The following AKNA variants were observed in gnomAD, a reference collection of about 807,000 sequenced individuals.
AKNA encodes the protein microtubule organization protein AKNA.
A neutral mutation model predicts 138.8 loss-of-function variants in AKNA; 67 were observed. The observed-to-expected ratio is 0.48, with a 90% confidence interval of 0.40 to 0.59. AKNA has a LOEUF of 0.59. Ranked by LOEUF, AKNA falls within the 20% of genes least tolerant of loss-of-function variation. The probability of loss-of-function intolerance (pLI) is 0.00; values close to 1 mark genes in which losing one functional copy is unlikely to be tolerated. For missense variants in AKNA, 1,813 were observed against 1,880.4 expected (o/e 0.96, Z 0.66); for synonymous variants, 737 against 754.4 (o/e 0.98, Z 0.38).
intron 21 of AKNA, among the ~76,000 whole-genome samples, chr9:114,341,188 A>G (rs530382593): frequency 1.3e-5 from 2 of 152,244 alleles, no homozygotes; most frequent in East Asian, 3.9e-4. Context: ...AGTGCTCATC[A>G]CTTACTTGCG....
Position 114,337,021 on chromosome 9 carries a change from A to T in AKNA, c.*33T>A. ...GGCCTGGCAGGCCACCTGCCCACCC[A>T]CCCACCCATCTGCCTCTGGGCCCCC... On this transcript the variant is annotated 3_prime_UTR_variant, in exon 22 of 22. Coordinates refer to ENST00000374088, the MANE Select transcript of AKNA (RefSeq NM_001317950.2). The T allele has an allele frequency of 1.6e-5, 2 of 123,644 alleles. No individual in the cohort carries two copies. The highest frequency in any genetic ancestry group is 5.2e-5 in the South Asian group (1 of 19,294). 7.7% of individuals were successfully genotyped at this position (123,644 alleles called of 1,614,324 possible).
intron 20 of AKNA, 102 bp downstream of exon 20, chr9:114,341,893 TTGCTCTGTCCCAGA>T: frequency 7.6e-7 from 1 of 1,316,610 alleles, no homozygotes; most frequent in South Asian, 1.2e-5. Context: ...TCTGCCCCAG[TTGCTCTGTCCCAGA>T]CTGGAACAAC....
At chr9:114,397,544 T>C (rs1270079763), upstream of AKNA, among the ~76,000 whole-genome samples, 1 of 152,154 alleles carries the variant, frequency 6.6e-6, no homozygotes, top group African/African-American at 2.4e-5. Context: ...AAGCAGGTCT[T>C]TAAACATAGG....
In AKNA at chr9:114,349,968, C is replaced by T. The variant is rs572007988; in HGVS notation, c.3221+891G>A. Among the ~76,000 whole-genome samples the T allele has an allele frequency of 7.9e-5, 12 of 152,330 alleles. No individual in the cohort carries two copies. The East Asian group carries it at 1.2e-3, about 15-fold the overall frequency. On this transcript the variant is annotated intron_variant, in intron 15 of 21. Coordinates refer to ENST00000374088, the MANE Select transcript of AKNA (RefSeq NM_001317950.2). ...CCTCTAACCGGACCAGATGCTCCTT[C>T]GCTGTGCTCCCACAGTCCTTTAGTC...
Position 114,377,282 on chromosome 9 carries a change from G to A in AKNA, c.525C>T (p.Gly175=), listed in dbSNP as rs149949844. 104 of 1,614,158 alleles carry A rather than the reference G, an allele frequency of 6.4e-5. No individual in the cohort carries two copies. Among genetic ancestry groups the A allele is most frequent in the African/African-American group, 3.1e-4 (23 of 75,056 alleles). ...AAAGTTTGTCCCCACTGGCTTGTTC[G>A]CCAGAAGCCACCCAGCCCCTGGCCT... The part of the protein sequence containing the change: ...HGQARGWVAS[G]EQASGDKLSE... The change falls in exon 3 of 22, where the codon GGC becomes GGT. Residue 175 remains glycine (G), a synonymous_variant. Coordinates refer to ENST00000374088, the MANE Select transcript of AKNA (RefSeq NM_001317950.2).
chr9:114,337,652 ATCT>A (rs1362311745), intron 21 of AKNA, among the ~76,000 whole-genome samples: 1 of 152,098 alleles, frequency 6.6e-6, no homozygotes, highest in African/African-American at 2.4e-5. Context: ...GACTCCTGCA[ATCT>A]TCTTGGAGCC....
rs113207990 is a variant in AKNA at position 114,341,565 on chromosome 9, C to T, written c.4035G>A (p.Ser1345=). ...PAPPAFAYIS[S]VPIMPYPPAA... ...CAGGTGGATAAGGCATGATGGGAAC[C>T]GAGGAGATGTAGGCAAAGGCTGGAG... The change falls in exon 21 of 22, where the codon TCG becomes TCA. Residue 1345 remains serine (S), a synonymous_variant. Transcript: ENST00000374088. 135 of 1,613,950 alleles carry T rather than the reference C, an allele frequency of 8.4e-5. No homozygotes were observed. The highest frequency in any genetic ancestry group is 1.9e-4 in the African/African-American group (14 of 75,000).
chr9:114,367,482 G>T, intron 6 of AKNA, 61 bp downstream of exon 6: 1 of 1,582,746 alleles, frequency 6.3e-7, no homozygotes. Flanking sequence ...CAAGCAGGCA[G>T]AGGTTCTGTG....
Position 114,376,614 on chromosome 9 carries a change from T to C in AKNA, c.1193A>G (p.Lys398Arg), listed in dbSNP as rs1833225700. The change falls in exon 3 of 22, where the codon AAG becomes AGG. Residue 398 changes from lysine (K) to arginine (R), a missense_variant. Transcript: ENST00000374088. ...PQAPARPLIF[K>R]SPAEIVQEVL... The stretch of plus-strand genomic sequence containing the variant: ...CTCCTGCACAATCTCAGCTGGAGAC[T>C]TGAAGATGAGGGGCCTGGCAGGGGC... The C allele has an allele frequency of 6.2e-7, 1 of 1,614,164 alleles. No individual in the cohort carries two copies. The highest frequency in any genetic ancestry group is 2.2e-5 in the East Asian group (1 of 44,858).
rs750223744 is a variant in AKNA, at chr9:114,341,564, C to G, written c.4036G>C (p.Val1346Leu). 6.2e-6 allele frequency: 10 copies of G among 1,613,856 alleles called. No individual in the cohort carries two copies. The Admixed American group carries it at 1.5e-4, about 24-fold the overall frequency. The part of the protein sequence containing the change: ...APPAFAYISS[V>L]PIMPYPPAAV... ...GCAGGTGGATAAGGCATGATGGGAA[C>G]CGAGGAGATGTAGGCAAAGGCTGGA... Residue 1346 changes from valine to leucine, a missense_variant, in exon 21 of 22, where the codon GTT (valine) becomes CTT (leucine). By Grantham distance (32) the Val-to-Leu change is conservative (BLOSUM62 1). Coordinates refer to ENST00000374088, the MANE Select transcript of AKNA (RefSeq NM_001317950.2).
At chr9:114,348,909 G>A (rs1043429212) in intron 15 of AKNA, 57 of 456,192 alleles carry the variant, frequency 1.2e-4, no homozygotes, top group Non-Finnish European at 1.9e-4. Flanking sequence ...GGACTCCTGG[G>A]TGAGTATCCC....
Position 114,336,774 on chromosome 9 carries a change from G to A in AKNA, c.*280C>T. On this transcript the variant is annotated 3_prime_UTR_variant, in exon 22 of 22. Transcript: ENST00000374088. ...GAGTTGCACACATGCAGGACCAGGA[G>A]AGACTGCCTGAGGTTCTGCCTGGAC... 1 of 400,192 alleles carries A rather than the reference G, an allele frequency of 2.5e-6. No individual in the cohort carries two copies. 24.8% of individuals were successfully genotyped at this position (400,192 alleles called of 1,614,324 possible). A position where few individuals can be genotyped will look rare whatever the true frequency, so the allele number is the denominator to read the frequency against.
In AKNA at chr9:114,376,628, C is replaced by T; in HGVS notation, c.1179G>A (p.Arg393=). Residue 393 remains arginine, a synonymous_variant, in exon 3 of 22, where the codon AGG becomes AGA. Coordinates refer to ENST00000374088, the MANE Select transcript of AKNA (RefSeq NM_001317950.2). ...CAGCTGGAGACTTGAAGATGAGGGG[C>T]CTGGCAGGGGCCTGAGGCTTCCTGT... ...SHNRKPQAPA[R]PLIFKSPAEI... The T allele has an allele frequency of 6.2e-7, 1 of 1,614,102 alleles. No homozygotes were observed. Among genetic ancestry groups the T allele is most frequent in the Non-Finnish European group, 8.5e-7 (1 of 1,180,000 alleles).
Position 114,337,220 on chromosome 9 carries a change from C to A in AKNA, c.4154G>T (p.Arg1385Leu). The change falls in exon 22 of 22, where the codon CGG (arginine) becomes CTG (leucine). Residue 1385 changes from arginine to leucine, a missense_variant. Coordinates refer to ENST00000374088, the MANE Select transcript of AKNA (RefSeq NM_001317950.2). ...GCCCAGGTCGAGCTGGATGGAGTGC[C>A]GGTGTCTCCGGGCTGGTGGGGGAGA... ...TASPPPARRH[R>L]HSIQLDLGDL... 6.3e-7 allele frequency: 1 copy of A among 1,586,924 alleles called. No homozygotes were observed.
chr9:114,369,735 C>G (rs1394042931), intron 4 of AKNA, among the ~76,000 whole-genome samples: 1 of 152,134 alleles, frequency 6.6e-6, no homozygotes, highest in Non-Finnish European at 1.5e-5. Flanking sequence ...TCATTACCAC[C>G]ACCATCATCA....
rs1420448669 is a variant in AKNA, at chr9:114,350,905, G to A, written c.3175C>T (p.Pro1059Ser). ...APAAAPLPCG[P>S]TETIPSFLLT... ...AGGAAGCTGGGGATGGTCTCTGTTGGTCCACAGGGTAGAGGCGCAGCGGCA... is the reference window on the plus strand; with the variant it reads ...AGGAAGCTGGGGATGGTCTCTGTTGATCCACAGGGTAGAGGCGCAGCGGCA... The change falls in exon 15 of 22, where the codon CCA (proline) becomes TCA (serine). Residue 1059 changes from proline to serine, a missense_variant. Transcript: ENST00000374088. 1 of 1,605,310 alleles carries A rather than the reference G, an allele frequency of 6.2e-7. No homozygotes were observed. The highest frequency in any genetic ancestry group is 1.1e-5 in the South Asian group (1 of 89,726).
At chr9:114,333,941 T>G (rs1376649318), downstream of AKNA, among the ~76,000 whole-genome samples, 2 of 144,838 alleles carry the variant, frequency 1.4e-5, 1 homozygote, top group African/African-American at 5.3e-5. Flanking sequence ...TGGTTTCTAA[T>G]GGTTTAGCCC....
chr9:114,362,416 C>A lies in AKNA; in HGVS notation c.1906G>T (p.Asp636Tyr). Residue 636 changes from aspartate to tyrosine, a missense_variant, in exon 8 of 22, where the codon GAT becomes TAT. Asp to Tyr is a radical substitution (Grantham distance 160, BLOSUM62 -3). Coordinates refer to ENST00000374088, the MANE Select transcript of AKNA (RefSeq NM_001317950.2). ...CACCCCAGCAGGTACCTGCGAGGATCAAATCTTCCAGGCGTCCCCTTGGAG... is the reference window on the plus strand; with the variant it reads ...CACCCCAGCAGGTACCTGCGAGGATAAAATCTTCCAGGCGTCCCCTTGGAG... ...AGSKGTPGRF[D>Y]PRRELEAEIY... 1 of 1,611,406 alleles carries A rather than the reference C, an allele frequency of 6.2e-7. No individual in the cohort carries two copies. Among genetic ancestry groups the A allele is most frequent in the Non-Finnish European group, 8.5e-7 (1 of 1,178,804 alleles).
At chr9:114,392,004 C>G (rs1439310614), upstream of AKNA, among the ~76,000 whole-genome samples, 1 of 138,710 alleles carries the variant, frequency 7.2e-6, no homozygotes, top group Non-Finnish European at 1.6e-5. Context: ...TTCCCACGAG[C>G]CTGAGGCACA....
Sources: allele counts gnomAD v4.1 joint callset (sites outside exome capture counted in the v4.1 genomes callset), GRCh38; gene constraint gnomAD v4.1.1; transcripts MANE v1.5; gene names NCBI Gene and HGNC (gene_info 2026-07-23, HGNC 2026-07-21).